ZSCAN29: variants seen among roughly 807,000 people sequenced by gnomAD.
ZSCAN29 encodes zinc finger and SCAN domain containing 29.
In ZSCAN29, 55 loss-of-function variants were observed where a neutral mutation model predicts 71.9. The observed-to-expected ratio is 0.76, with a 90% CI of 0.62 to 0.96. The LOEUF (loss-of-function observed/expected upper bound fraction) is 0.96, where lower values mean the gene tolerates loss of function less well. ZSCAN29 is among the 40% of genes least tolerant of loss of function. The probability of loss-of-function intolerance (pLI) is 0.00; values close to 1 mark genes in which losing one functional copy is unlikely to be tolerated. For synonymous variants in ZSCAN29, 351 were observed against 371.6 expected, an observed-to-expected ratio of 0.94 and a Z score of 0.64; for missense variants, 1,042 against 1,042.2, an observed-to-expected ratio of 1.00 and a Z score of 0.00.
At position 43,360,858 on chromosome 15, in the gene ZSCAN29, A is replaced by G. The variant is rs896314065; in HGVS notation, c.*215T>C. ...AGATGTTATCCATCAATTCAGATGC[A>G]GGCAAAGAGAGGGACTGAAATCTTC... On this transcript the variant is annotated 3_prime_UTR_variant, in exon 6 of 6. Transcript: ENST00000684362. 1.7e-6 allele frequency: 1 copy of G among 578,314 alleles called. No homozygotes were observed. Among genetic ancestry groups the G allele is most frequent in the South Asian group, 2.6e-5 (1 of 38,688 alleles). The allele number at this position is 578,314 out of a possible 1,614,324, so 35.8% of individuals were successfully genotyped here. A position where few individuals can be genotyped will look rare whatever the true frequency, so the allele number is the denominator to read the frequency against.
chr15:43,369,945 G>A lies in ZSCAN29; in HGVS notation c.-32C>T. On this transcript the variant is annotated 5_prime_UTR_variant, in exon 2 of 6. Coordinates refer to ENST00000684362, the MANE Select transcript of ZSCAN29 (RefSeq NM_001372080.1). ...CAGAATGCAGCTTCCCTTCGCTTAG[G>A]AGTCTGGGTTCCAGGGCTTACATCT... 2 of 1,557,642 alleles carry A rather than the reference G, an allele frequency of 1.3e-6. No individual in the cohort carries two copies. Among genetic ancestry groups the A allele is most frequent in the Non-Finnish European group, 1.7e-6 (2 of 1,155,976 alleles).
rs2044094643 is a variant in ZSCAN29, at chr15:43,370,576, C to G, written c.-131G>C. On this transcript the variant is annotated 5_prime_UTR_variant, in exon 1 of 6. Coordinates refer to ENST00000684362, the MANE Select transcript of ZSCAN29 (RefSeq NM_001372080.1). The stretch of plus-strand genomic sequence containing the variant: ...GAGCTACCTGTCGGAAAACCTCGCG[C>G]AAGGAGAGAAGCTGGTTTTGGCTCC... The G allele has an allele frequency of 1.3e-5, 2 of 152,572 alleles. No homozygotes were observed. The highest frequency in any genetic ancestry group is 1.3e-4 in the Admixed American group (2 of 15,300). The allele number at this position is 152,572 out of a possible 1,614,324, so 9.5% of individuals were successfully genotyped here. A position where few individuals can be genotyped will look rare whatever the true frequency, so the allele number is the denominator to read the frequency against.
At chr15:43,362,511 G>A (rs769935358) in intron 5 of ZSCAN29, among the ~76,000 whole-genome samples, 2 of 152,176 alleles carry the variant, frequency 1.3e-5, no homozygotes, top group African/African-American at 2.4e-5. Flanking sequence ...AGAACCAAAT[G>A]CCTGGCTTTT....
chr15:43,361,053 C>G lies in ZSCAN29; in HGVS notation c.*20G>C. ...ACAATACATTTATTGAGCCTCTTTC[C>G]GTTATATATCCTCAGGGGCTTACTT... On this transcript the variant is annotated 3_prime_UTR_variant, in exon 6 of 6. Transcript: ENST00000684362. 6.4e-7 allele frequency: 1 copy of G among 1,552,324 alleles called. No homozygotes were observed. Among genetic ancestry groups the G allele is most frequent in the Non-Finnish European group, 8.7e-7 (1 of 1,149,886 alleles).
chr15:43,362,252 A>G (rs1379504390), intron 5 of ZSCAN29, among the ~76,000 whole-genome samples: 1 of 152,154 alleles, frequency 6.6e-6, no homozygotes, highest in Non-Finnish European at 1.5e-5. Context: ...AATAATTTCC[A>G]TGTTTCTACA....
intron 4 of ZSCAN29, among the ~76,000 whole-genome samples, chr15:43,365,471 A>AC (rs1364379353): frequency 1.3e-5 from 2 of 152,220 alleles, no homozygotes; most frequent in Non-Finnish European, 2.9e-5. Context: ...GGAAACTTAG[A>AC]TGTTTCCCAG....
Position 43,369,721 on chromosome 15 carries a change from G to A in ZSCAN29, c.193C>T (p.Gln65Ter). ...EQIVELLVLE[Q>*]FLTVLPGEIQ... is the part of the protein sequence containing the mutation. The stretch of plus-strand genomic sequence containing the variant: ...TCCCCAGGTAAGACGGTCAGGAACT[G>A]CTCTAGCACCAACAGTTCTACAATC... Residue 65 changes from glutamine to a stop codon, truncating the protein, a stop_gained, in exon 2 of 6, where the codon CAG (glutamine) becomes TAG (stop). Transcript: ENST00000684362. LOFTEE classifies it high-confidence loss of function. The A allele has an allele frequency of 6.2e-7, 1 of 1,614,242 alleles. No homozygotes were observed. The highest frequency in any genetic ancestry group is 8.5e-7 in the Non-Finnish European group (1 of 1,180,048).
In ZSCAN29 at chr15:43,361,688, C is replaced by G; in HGVS notation, c.1944G>C (p.Glu648Asp). Reference sequence around the variant, plus strand: ...TGTATTTGAGATATTTATAGGGTCTCTCTCCCAAGCAAGGTCTCTGTTGAC... The same window carrying G: ...TGTATTTGAGATATTTATAGGGTCTGTCTCCCAAGCAAGGTCTCTGTTGAC... ...VLSQQRPCLG[E>D]RPYKYLKYSK... Residue 648 changes from glutamate (E) to aspartate (D), a missense_variant, in exon 6 of 6, where the codon GAG (glutamate) becomes GAC (aspartate). Coordinates refer to ENST00000684362, the MANE Select transcript of ZSCAN29 (RefSeq NM_001372080.1). 1 of 1,614,196 alleles carries G rather than the reference C, an allele frequency of 6.2e-7. No homozygotes were observed. Among genetic ancestry groups the G allele is most frequent in the East Asian group, 2.2e-5 (1 of 44,888 alleles).
intron 5 of ZSCAN29, 87 bp from the exon 6 acceptor site, chr15:43,362,028 C>T (rs2043987767): frequency 2.9e-6 from 4 of 1,372,818 alleles, no homozygotes; most frequent in Admixed American, 2.4e-5. Flanking sequence ...ACAAGCATTA[C>T]ACCACATGAT....
Position 43,360,873 on chromosome 15 carries a change from C to G in ZSCAN29, c.*200G>C, listed in dbSNP as rs1344541114. On this transcript the variant is annotated 3_prime_UTR_variant, in exon 6 of 6. Coordinates refer to ENST00000684362, the MANE Select transcript of ZSCAN29 (RefSeq NM_001372080.1). ...ATTCAGATGCAGGCAAAGAGAGGGACTGAAATCTTCCTTTCATTCTTTAGA... is the reference window on the plus strand; with the variant it reads ...ATTCAGATGCAGGCAAAGAGAGGGAGTGAAATCTTCCTTTCATTCTTTAGA... 1.5e-6 allele frequency: 1 copy of G among 664,924 alleles called. No homozygotes were observed. The highest frequency in any genetic ancestry group is 1.8e-5 in the African/African-American group (1 of 55,954). 41.2% of individuals were successfully genotyped at this position (664,924 alleles called of 1,614,324 possible). A position where few individuals can be genotyped will look rare whatever the true frequency, so the allele number is the denominator to read the frequency against.
chr15:43,361,317 T>C lies in ZSCAN29; in HGVS notation c.2315A>G (p.Asn772Ser), dbSNP rs762792714. 4.0e-5 allele frequency: 64 copies of C among 1,614,004 alleles called. No individual in the cohort carries two copies. Among genetic ancestry groups the C allele is most frequent in the African/African-American group, 9.3e-5 (7 of 74,890 alleles). Residue 772 changes from asparagine to serine, a missense_variant, in exon 6 of 6, where the codon AAT becomes AGT. Asn to Ser is a conservative substitution (Grantham distance 46). Coordinates refer to ENST00000684362, the MANE Select transcript of ZSCAN29 (RefSeq NM_001372080.1). Reference protein sequence around the residue: ...YQCEECGKSFNNSSHFSAHRR... With the variant: ...YQCEECGKSFSNSSHFSAHRR... The stretch of plus-strand genomic sequence containing the variant: ...ATGTGCACTAAAATGAGAACTGTTA[T>C]TGAAGCTTTTTCCACACTCTTCACA...
At position 43,366,468 on chromosome 15, in the gene ZSCAN29, T is replaced by G; in HGVS notation, c.864A>C (p.Glu288Asp). The G allele has an allele frequency of 6.2e-7, 1 of 1,614,198 alleles. No homozygotes were observed. The highest frequency in any genetic ancestry group is 8.5e-7 in the Non-Finnish European group (1 of 1,180,034). ...VYGAVAERLREYGFLRTLEQC... is the reference protein window; with the variant it reads ...VYGAVAERLRDYGFLRTLEQC... ...GTTCCAGGGTCCGGAGGAAGCCATA[T>G]TCCCTGAGCCGCTCAGCCACAGCCC... Residue 288 changes from glutamate to aspartate, a missense_variant, in exon 4 of 6, where the codon GAA (glutamate) becomes GAC (aspartate). Physicochemically the swap from Glu to Asp is conservative, Grantham distance 45. Transcript: ENST00000684362.
In ZSCAN29 at chr15:43,366,101, GCTT is replaced by G. The variant is rs777889610; in HGVS notation, c.1222+6_1222+8del. 1.0e-5 allele frequency: 16 copies of G among 1,582,040 alleles called. No homozygotes were observed. The South Asian group carries it at 1.0e-4, about 10-fold the overall frequency. ...TAATTCCAAAACTCCAAGAAGAAAA[GCTT>G]CTTACCACCTGGGCTTCTGAACACA... On this transcript the variant is annotated splice_donor_region_variant and intron_variant, in intron 4 of 5. Coordinates refer to ENST00000684362, the MANE Select transcript of ZSCAN29 (RefSeq NM_001372080.1).
chr15:43,362,969 A>G (rs536195646), intron 5 of ZSCAN29, among the ~76,000 whole-genome samples: 91 of 151,566 alleles, frequency 6.0e-4, no homozygotes, highest in African/African-American at 2.2e-3. Context: ...GTCTTAATAT[A>G]TAAGCAAACT....
rs776283994 is a variant in ZSCAN29, at chr15:43,366,440, A to G, written c.892T>C (p.Cys298Arg). The G allele has an allele frequency of 6.2e-7, 1 of 1,614,074 alleles. No homozygotes were observed. The highest frequency in any genetic ancestry group is 1.1e-5 in the South Asian group (1 of 91,076). ...TGGAGACCTTTGAACTTGGTCCGAC[A>G]CTGTTCCAGGGTCCGGAGGAAGCCA... ...EYGFLRTLEQ[C>R]RTKFKGLQKS... The change falls in exon 4 of 6, where the codon TGT (cysteine) becomes CGT (arginine). Residue 298 changes from cysteine (C) to arginine (R), a missense_variant. Transcript: ENST00000684362.
intron 4 of ZSCAN29, 45 bp from the exon 5 acceptor site, chr15:43,364,427 T>C: frequency 6.4e-7 from 1 of 1,556,010 alleles, no homozygotes; most frequent in Non-Finnish European, 8.8e-7. Context: ...TCCAGAGCTT[T>C]AGAGCCTGAA....
At position 43,366,817 on chromosome 15, in the gene ZSCAN29, A is replaced by G; in HGVS notation, c.524-9T>C. 6.3e-7 allele frequency: 1 copy of G among 1,596,874 alleles called. No homozygotes were observed. Among genetic ancestry groups the G allele is most frequent in the Non-Finnish European group, 8.5e-7 (1 of 1,173,600 alleles). On this transcript the variant is annotated splice_polypyrimidine_tract_variant and intron_variant, in intron 3 of 5. Transcript: ENST00000684362. ...TTTAGGAAATGGCAATCCTGCTTGC[A>G]GGGAAACAAACAAAAGTTGTCATAG...
In ZSCAN29 at chr15:43,359,553, A is replaced by G. The variant is rs561980599; in HGVS notation, c.*1520T>C. ...GGTAAAGGGCCTGTTCGCACACAGT[A>G]GTCCATTTTCCCAATACACGGGAAT... On this transcript the variant is annotated 3_prime_UTR_variant, in exon 6 of 6. Coordinates refer to ENST00000684362, the MANE Select transcript of ZSCAN29 (RefSeq NM_001372080.1). The G allele has an allele frequency of 6.6e-6, 1 of 152,388 alleles. No homozygotes were observed. Among genetic ancestry groups the G allele is most frequent in the South Asian group, 2.1e-4 (1 of 4,826 alleles). 9.4% of individuals were successfully genotyped at this position (152,388 alleles called of 1,614,324 possible). A position where few individuals can be genotyped will look rare whatever the true frequency, so the allele number is the denominator to read the frequency against.
chr15:43,363,830 G>T, intron 5 of ZSCAN29, 85 bp downstream of exon 5: 1 of 1,326,312 alleles, frequency 7.5e-7, no homozygotes, highest in Non-Finnish European at 1.0e-6. Flanking sequence ...TGGGTGTAGA[G>T]GCCAGTTCTC....
Sources: allele counts gnomAD v4.1 joint callset (sites outside exome capture counted in the v4.1 genomes callset), GRCh38; gene constraint gnomAD v4.1.1; transcripts MANE v1.5; gene names NCBI Gene and HGNC (gene_info 2026-07-23, HGNC 2026-07-21).